Variants in ALKBH3 observed in about 807,000 individuals in gnomAD.
ALKBH3 encodes the protein alkB homolog 3, alpha-ketoglutarate dependent dioxygenase, also known as alpha-ketoglutarate-dependent dioxygenase alkB homolog 3.
A neutral mutation model predicts 43.9 loss-of-function variants in ALKBH3; 51 were observed. The observed-to-expected ratio is 1.16, with a 90% CI of 0.93 to 1.47. The LOEUF is 1.47. ALKBH3 is among the 40% of genes most tolerant of loss of function. The pLI is 0.00. For synonymous variants in ALKBH3, 102 were observed against 115.2 expected, an observed-to-expected ratio of 0.89 and a Z score of 0.73; for missense variants, 361 against 351.9, an observed-to-expected ratio of 1.03 and a Z score of -0.21.
intron 8 of ALKBH3, among the ~76,000 whole-genome samples, chr11:43,906,300 T>C (rs2135196984): frequency 6.6e-6 from 1 of 152,016 alleles, no homozygotes; most frequent in South Asian, 2.1e-4. Flanking sequence ...CTGGGAAGAG[T>C]GGAGTATAAA....
chr11:43,918,975 C>T, intron 8 of ALKBH3, 63 bp from the exon 9 acceptor site: 3 of 1,323,348 alleles, frequency 2.3e-6, no homozygotes, highest in East Asian at 2.3e-5. Flanking sequence ...TGACCTCTGT[C>T]AGGTTCTGTT....
intron 7 of ALKBH3, chr11:43,897,208 A>G (rs1159932110): frequency 1.9e-5 from 10 of 526,766 alleles, no homozygotes; most frequent in Non-Finnish European, 3.8e-5. Flanking sequence ...CCATATTGCA[A>G]CTAACCTTTA....
intron 7 of ALKBH3, chr11:43,897,194 G>A (rs1415950257): frequency 1.9e-6 from 1 of 520,630 alleles, no homozygotes; most frequent in African/African-American, 1.9e-5. Flanking sequence ...CATGGTTTCA[G>A]ATTCCATATT....
intron 2 of ALKBH3, 54 bp from the exon 3 acceptor site, chr11:43,883,031 G>T: frequency 2.1e-6 from 3 of 1,430,952 alleles, no homozygotes; most frequent in Non-Finnish European, 2.0e-6. Flanking sequence ...CTCAGTAGAA[G>T]GTGCTGAGAA....
intron 7 of ALKBH3, among the ~76,000 whole-genome samples, chr11:43,900,852 A>C (rs1045570575): frequency 6.6e-6 from 1 of 152,242 alleles, no homozygotes; most frequent in African/African-American, 2.4e-5. Context: ...CCCAGTGCCC[A>C]GGAGGCAGGG....
At position 43,919,911 on chromosome 11, in the gene ALKBH3, C is replaced by T; in HGVS notation, c.769-7C>T. 1 of 1,612,782 alleles carries T rather than the reference C, an allele frequency of 6.2e-7. No homozygotes were observed. Among genetic ancestry groups the T allele is most frequent in the Non-Finnish European group, 8.5e-7 (1 of 1,178,814 alleles). ...TTTATGTCAGAGTTATGTGTATTTCCATTTAGCATCGAGTGCCCAAAGAAT... is the reference window on the plus strand; with the variant it reads ...TTTATGTCAGAGTTATGTGTATTTCTATTTAGCATCGAGTGCCCAAAGAAT... On this transcript the variant is annotated splice_region_variant and splice_polypyrimidine_tract_variant and intron_variant, in intron 9 of 9. Transcript: ENST00000302708.
At chr11:43,886,035 G>A (rs12797524) in intron 4 of ALKBH3, among the ~76,000 whole-genome samples, 26,215 of 152,150 alleles carry the variant, frequency 0.17, 2,699 homozygotes, top group South Asian at 0.33. Context: ...AGTTAGAAAC[G>A]TAGTGGTGTA....
At chr11:43,907,737 A>G (rs1951905970) in intron 8 of ALKBH3, among the ~76,000 whole-genome samples, 1 of 152,110 alleles carries the variant, frequency 6.6e-6, no homozygotes, top group East Asian at 1.9e-4. Flanking sequence ...AGCCAGCTTG[A>G]GGAGTGTCAC....
chr11:43,899,833 G>C (rs1346289192), intron 7 of ALKBH3, among the ~76,000 whole-genome samples: 2 of 142,622 alleles, frequency 1.4e-5, no homozygotes, highest in Non-Finnish European at 3.0e-5. Context: ...TGAAATAAAA[G>C]TAGTTTCTAT....
At chr11:43,893,425 C>T (rs943843433) in intron 7 of ALKBH3, among the ~76,000 whole-genome samples, 1 of 152,162 alleles carries the variant, frequency 6.6e-6, no homozygotes, top group African/African-American at 2.4e-5. Flanking sequence ...GTAAAGTAGC[C>T]TCTTATTGTC....
At chr11:43,912,502 G>C (rs1352121338) in intron 8 of ALKBH3, 1 of 152,204 alleles carries the variant, frequency 6.6e-6, no homozygotes, top group Non-Finnish European at 1.5e-5. Flanking sequence ...ACAAGAAACA[G>C]GTAGCAGGCT....
intron 8 of ALKBH3, among the ~76,000 whole-genome samples, chr11:43,912,819 G>C (rs1951950533): frequency 1.3e-5 from 2 of 152,070 alleles, no homozygotes; most frequent in Non-Finnish European, 2.9e-5. Context: ...TAAAACAGTT[G>C]AGGTGTATTT....
At chr11:43,919,741 A>T (rs954444603) in intron 9 of ALKBH3, 177 bp from the exon 10 acceptor site, 113 of 586,232 alleles carry the variant, frequency 1.9e-4, no homozygotes, top group Non-Finnish European at 3.1e-4. Context: ...GGGGCTGGGG[A>T]TGGAAATTTG....
chr11:43,901,470 T>C (rs1294709618), intron 7 of ALKBH3, 46 bp from the exon 8 acceptor site: 11 of 1,602,890 alleles, frequency 6.9e-6, no homozygotes, highest in South Asian at 1.1e-5. Context: ...TGTCATTTTG[T>C]GTGTAATGCG....
At chr11:43,890,862 CA>C (rs1018381878) in intron 6 of ALKBH3, among the ~76,000 whole-genome samples, 2 of 149,808 alleles carry the variant, frequency 1.3e-5, no homozygotes, top group Non-Finnish European at 3.0e-5. Context: ...GACTCCGTCT[CA>C]AAAAAAAATA....
At chr11:43,889,876 C>T in intron 6 of ALKBH3, 48 bp downstream of exon 6, 1 of 1,479,240 alleles carries the variant, frequency 6.8e-7, no homozygotes, top group Non-Finnish European at 9.4e-7. Context: ...TTCTCCCTCT[C>T]TGGAATGTTT....
intron 8 of ALKBH3, among the ~76,000 whole-genome samples, chr11:43,912,865 T>C (rs917268065): frequency 2.0e-5 from 3 of 152,166 alleles, no homozygotes; most frequent in African/African-American, 7.2e-5. Flanking sequence ...GAAAGTACAT[T>C]GTCCACTGAG....
chr11:43,891,246 G>A (rs1029839288), intron 6 of ALKBH3, among the ~76,000 whole-genome samples: 15 of 152,216 alleles, frequency 9.9e-5, no homozygotes, highest in African/African-American at 3.6e-4. Flanking sequence ...TTTGATTGTT[G>A]GCTCTTTCAT....
At chr11:43,910,271 T>C (rs1951927678) in intron 8 of ALKBH3, 5 of 150,036 alleles carry the variant, frequency 3.3e-5, no homozygotes, top group Admixed American at 3.3e-4. Flanking sequence ...AAATACCATA[T>C]GGGCAAGGTC....
Sources: allele counts gnomAD v4.1 joint callset (sites outside exome capture counted in the v4.1 genomes callset), GRCh38; gene constraint gnomAD v4.1.1; transcripts MANE v1.5; gene names NCBI Gene and HGNC (gene_info 2026-07-23, HGNC 2026-07-21).